The following MAP2K2 variants were observed in gnomAD, a reference collection of about 807,000 sequenced individuals.
The protein encoded by MAP2K2 is mitogen-activated protein kinase kinase 2, also known as dual specificity mitogen-activated protein kinase kinase 2.
A neutral mutation model predicts 43.7 loss-of-function variants in MAP2K2; 24 were observed. The observed-to-expected ratio is 0.55, with a 90% CI of 0.40 to 0.77. The LOEUF is 0.77. Ranked by LOEUF, MAP2K2 falls within the 30% of genes least tolerant of loss-of-function variation. The pLI is 0.00. For synonymous variants in MAP2K2, 244 were observed against 239.7 expected (o/e 1.02, Z -0.17); for missense variants, 470 against 566.8 (o/e 0.83, Z 1.73).
chr19:4,101,510 T>C lies in MAP2K2; in HGVS notation c.529-230A>G, dbSNP rs975730568. 3.3e-5 allele frequency among the ~76,000 whole-genome samples: 5 copies of C among 152,138 alleles called. No individual in the cohort carries two copies. Among genetic ancestry groups the C allele is most frequent in the African/African-American group, 7.2e-5 (3 of 41,424 alleles). On this transcript the variant is annotated intron_variant, in intron 4 of 10. Coordinates refer to ENST00000262948, the MANE Select transcript of MAP2K2 (RefSeq NM_030662.4). The surrounding 1 kb of genome is among the most constrained non-coding windows in gnomAD (Gnocchi z 6.3). ...TCAACCCCGGTTCCCATGGCCGCAGTGCCGCCGATGCCACTACTGCCTTTG... is the reference window on the plus strand; with the variant it reads ...TCAACCCCGGTTCCCATGGCCGCAGCGCCGCCGATGCCACTACTGCCTTTG...
intron 7 of MAP2K2, among the ~76,000 whole-genome samples, chr19:4,098,994 GACAGA>G (rs772903129): frequency 1.3e-5 from 2 of 152,246 alleles, no homozygotes; most frequent in African/African-American, 4.8e-5. Flanking sequence ...AGCTGCCCCG[GACAGA>G]ACAGGTTTGG....
intron 6 of MAP2K2, 177 bp downstream of exon 6, chr19:4,100,842 T>C (rs2145053131): frequency 2.8e-6 from 2 of 725,818 alleles, no homozygotes; most frequent in Non-Finnish European, 2.3e-6. Context: ...CACGAAATAG[T>C]TGGGAAAGCC....
chr19:4,111,712 G>A (rs968020225), intron 2 of MAP2K2, among the ~76,000 whole-genome samples: 7 of 152,192 alleles, frequency 4.6e-5, no homozygotes, highest in Admixed American at 2.6e-4. Flanking sequence ...CCCGCACTCC[G>A]GGAGGCTGAG....
At chr19:4,097,569 G>A (rs1419287302) in intron 7 of MAP2K2, among the ~76,000 whole-genome samples, 1 of 152,196 alleles carries the variant, frequency 6.6e-6, no homozygotes, top group African/African-American at 2.4e-5. Context: ...TTAAAAAAAA[G>A]GCAAAAGGAA....
At position 4,106,131 on chromosome 19, in the gene MAP2K2, G is replaced by A. The variant is rs115708201; in HGVS notation, c.451-3678C>T. On this transcript the variant is annotated intron_variant, in intron 3 of 10. Transcript: ENST00000262948. The stretch of plus-strand genomic sequence containing the variant: ...CCCAGCCAGAGTTTAAAACAACATC[G>A]AAATGGGCTCATGTCTGTAATCCCA... Among the ~76,000 whole-genome samples, 264 of 152,280 alleles carry A rather than the reference G, an allele frequency of 1.7e-3. 2 individuals are homozygous for A. Among genetic ancestry groups the A allele is most frequent in the African/African-American group, 6.1e-3 (253 of 41,554 alleles).
chr19:4,090,438 A>AC lies in MAP2K2; in HGVS notation c.*159dup. On this transcript the variant is annotated 3_prime_UTR_variant, in exon 11 of 11. Transcript: ENST00000262948. ...CCGGCCAGGACGGGCAGGAGAGGAG[A>AC]CCCCCGTTCCTGCATGCGCTGTCGC... The AC allele has an allele frequency of 2.9e-6, 2 of 678,456 alleles. No homozygotes were observed. Among genetic ancestry groups the AC allele is most frequent in the Non-Finnish European group, 5.3e-6 (2 of 377,390 alleles). 42.0% of individuals were successfully genotyped at this position (678,456 alleles called of 1,614,324 possible). A position where few individuals can be genotyped will look rare whatever the true frequency, so the allele number is the denominator to read the frequency against.
At chr19:4,107,570 G>A (rs1400072206) in intron 3 of MAP2K2, among the ~76,000 whole-genome samples, 1 of 149,668 alleles carries the variant, frequency 6.7e-6, no homozygotes, top group Non-Finnish European at 1.5e-5. Flanking sequence ...CTACTCAAGC[G>A]TGCTGGTGCA....
At chr19:4,118,683 C>G (rs2041257912) in intron 1 of MAP2K2, among the ~76,000 whole-genome samples, 1 of 152,160 alleles carries the variant, frequency 6.6e-6, no homozygotes, top group Admixed American at 6.5e-5. Context: ...GCCTGTAGTT[C>G]TAGTTACTCA....
chr19:4,117,945 C>A (rs1041304064), intron 1 of MAP2K2, among the ~76,000 whole-genome samples: 1 of 149,336 alleles, frequency 6.7e-6, no homozygotes, highest in Non-Finnish European at 1.5e-5. Context: ...TTTTCTTTTT[C>A]TTTTTTTTTT....
At chr19:4,099,698 A>G (rs2040973488) in intron 6 of MAP2K2, 1 of 482,496 alleles carries the variant, frequency 2.1e-6, no homozygotes, top group African/African-American at 1.9e-5. Context: ...GGGCCCCAGG[A>G]AGCAGGGGCC....
intron 2 of MAP2K2, among the ~76,000 whole-genome samples, chr19:4,112,361 G>A (rs940294791): frequency 3.9e-5 from 6 of 152,208 alleles, no homozygotes; most frequent in African/African-American, 1.4e-4. Context: ...CACTGGGGCC[G>A]GGCCTTGAGG....
At chr19:4,113,642 C>T (rs1188237973) in intron 2 of MAP2K2, among the ~76,000 whole-genome samples, 1 of 152,206 alleles carries the variant, frequency 6.6e-6, no homozygotes, top group Non-Finnish European at 1.5e-5. Flanking sequence ...ACAGCCCAGG[C>T]CGTGCCAGCT....
Position 4,098,783 on chromosome 19 carries a change from C to G in MAP2K2, c.919+418G>C, listed in dbSNP as rs529748345. The stretch of plus-strand genomic sequence containing the variant: ...CTGAGGGCCATGCCAAGTCCAATCT[C>G]CACTTCAGGACTCCCTGGAAGGCTT... On this transcript the variant is annotated intron_variant, in intron 7 of 10. Coordinates refer to ENST00000262948, the MANE Select transcript of MAP2K2 (RefSeq NM_030662.4). Among the ~76,000 whole-genome samples, 6 of 152,368 alleles carry G rather than the reference C, an allele frequency of 3.9e-5. No individual in the cohort carries two copies. The South Asian group carries it at 1.2e-3, about 32-fold the overall frequency.
At chr19:4,099,157 G>C in intron 7 of MAP2K2, 44 bp downstream of exon 7, 3 of 1,531,048 alleles carry the variant, frequency 2.0e-6, no homozygotes, top group Non-Finnish European at 2.7e-6. Flanking sequence ...GCCCCGCGCA[G>C]GGCACTGCGC....
At chr19:4,110,241 T>C (rs1025625139) in intron 3 of MAP2K2, among the ~76,000 whole-genome samples, 3 of 151,646 alleles carry the variant, frequency 2.0e-5, no homozygotes, top group African/African-American at 7.3e-5. Flanking sequence ...GAGGTGGAGG[T>C]TGCAGTGAGC....
In MAP2K2 at chr19:4,090,619, T is replaced by C. The variant is rs375253105; in HGVS notation, c.1182A>G (p.Thr394=). The change falls in exon 11 of 11, where the codon ACA becomes ACG. Residue 394 remains threonine, a synonymous_variant. Coordinates refer to ENST00000262948, the MANE Select transcript of MAP2K2 (RefSeq NM_030662.4). Reference sequence around the variant, plus strand: ...ACTGTCACACGGCGGTGCGCGTGGGTGTGCCGGGCTGGTTCAGCCGCAGGG... The same window carrying C: ...ACTGTCACACGGCGGTGCGCGTGGGCGTGCCGGGCTGGTTCAGCCGCAGGG... ...CKTLRLNQPG[T]PTRTAV 1.7e-5 allele frequency: 27 copies of C among 1,552,280 alleles called. No homozygotes were observed. Among genetic ancestry groups the C allele is most frequent in the Non-Finnish European group, 2.4e-5 (27 of 1,148,192 alleles).
intron 3 of MAP2K2, chr19:4,103,436 AG>A (rs2041043063): frequency 6.0e-6 from 1 of 167,980 alleles, no homozygotes; most frequent in South Asian, 1.9e-4. Flanking sequence ...CCAGGACAGC[AG>A]GGGTGACAGG....
chr19:4,096,953 T>C (rs754202037), intron 8 of MAP2K2, among the ~76,000 whole-genome samples: 18 of 151,474 alleles, frequency 1.2e-4, no homozygotes, highest in Non-Finnish European at 2.2e-4. Flanking sequence ...GGTTCAAGAA[T>C]TGCTTGAACC....
intron 3 of MAP2K2, among the ~76,000 whole-genome samples, chr19:4,107,739 T>A (rs1163970430): frequency 6.6e-6 from 1 of 151,102 alleles, no homozygotes; most frequent in Non-Finnish European, 1.5e-5. Flanking sequence ...AGGAAAAAAA[T>A]GCAAAATAAA....
Sources: allele counts gnomAD v4.1 joint callset (sites outside exome capture counted in the v4.1 genomes callset), GRCh38; gene constraint gnomAD v4.1.1; non-coding constraint Gnocchi (gnomAD v3.1); transcripts MANE v1.5; gene names NCBI Gene and HGNC (gene_info 2026-07-23, HGNC 2026-07-21).